The following RBFOX1 variants were observed in gnomAD, a reference collection of about 807,000 sequenced individuals.
RBFOX1 encodes RNA binding fox-1 homolog 1, also known as RNA binding protein fox-1 homolog 1.
In RBFOX1, 8 loss-of-function variants were observed where a neutral mutation model predicts 57.7. The observed-to-expected ratio is 0.14, with a 90% CI of 0.08 to 0.25. RBFOX1 has a LOEUF of 0.25. RBFOX1 is among the 10% of genes least tolerant of loss of function. The pLI is 1.00. For synonymous variants in RBFOX1, 326 were observed against 222.4 expected, an observed-to-expected ratio of 1.47 and a Z score of -4.15; for missense variants, 611 against 548.5, an observed-to-expected ratio of 1.11 and a Z score of -1.14.
chr16:6,152,769 C>G (rs923362377), intron 1 of RBFOX1, among the ~76,000 whole-genome samples: 7 of 152,162 alleles, frequency 4.6e-5, no homozygotes, highest in African/African-American at 1.7e-4. Flanking sequence ...CAGCAGAAAA[C>G]AGACCCCAGA....
At chr16:6,099,799 G>A (rs576774197) in intron 1 of RBFOX1, among the ~76,000 whole-genome samples, 1 of 152,212 alleles carries the variant, frequency 6.6e-6, no homozygotes, top group African/African-American at 2.4e-5. Flanking sequence ...ACCCAACTCC[G>A]GGCATCCTTC....
At chr16:7,157,141 A>G (rs867944335) in intron 4 of RBFOX1, among the ~76,000 whole-genome samples, 1 of 152,198 alleles carries the variant, frequency 6.6e-6, no homozygotes, top group Non-Finnish European at 1.5e-5. Flanking sequence ...TCTCATTGGC[A>G]CAGGATAAGG....
At chr16:6,727,257 T>C (rs1209252182) in intron 3 of RBFOX1, among the ~76,000 whole-genome samples, 1 of 152,032 alleles carries the variant, frequency 6.6e-6, no homozygotes, top group Admixed American at 6.6e-5. Context: ...TTCTAAAAGG[T>C]AATAATAGGT....
At chr16:5,490,018 C>G (rs2042774139) in intron 2 of RBFOX1, among the ~76,000 whole-genome samples, 1 of 152,234 alleles carries the variant, frequency 6.6e-6, no homozygotes, top group African/African-American at 2.4e-5. Context: ...TGCCTGCAGG[C>G]TGACCTCGGC....
chr16:7,173,160 T>G (rs999406166), intron 4 of RBFOX1, among the ~76,000 whole-genome samples: 1 of 152,198 alleles, frequency 6.6e-6, no homozygotes, highest in African/African-American at 2.4e-5. Flanking sequence ...TCTTGACTTA[T>G]AACAAAAATC....
At chr16:6,609,640 G>A (rs1185150407) in intron 2 of RBFOX1, among the ~76,000 whole-genome samples, 2 of 152,070 alleles carry the variant, frequency 1.3e-5, no homozygotes, top group African/African-American at 2.4e-5. Flanking sequence ...CTGTTTGGGG[G>A]AATCCTGAAG....
At chr16:7,336,165 C>A (rs1204893052) in intron 4 of RBFOX1, among the ~76,000 whole-genome samples, 1 of 152,200 alleles carries the variant, frequency 6.6e-6, no homozygotes, top group Non-Finnish European at 1.5e-5. Context: ...TTGCCCAAGT[C>A]AGCCTCGAGT....
intron 4 of RBFOX1, among the ~76,000 whole-genome samples, chr16:7,368,974 T>C (rs1415605908): frequency 6.6e-6 from 1 of 151,960 alleles, no homozygotes; most frequent in Non-Finnish European, 1.5e-5. Flanking sequence ...TTTAACACAA[T>C]GATCCTGCAG....
chr16:5,992,667 C>T (rs953466416), intron 4 of RBFOX1, among the ~76,000 whole-genome samples: 1 of 152,174 alleles, frequency 6.6e-6, no homozygotes, highest in African/African-American at 2.4e-5. Context: ...GGCGTGGTGG[C>T]TCACATCTGT....
chr16:6,120,627 G>C (rs1268742006), intron 1 of RBFOX1, among the ~76,000 whole-genome samples: 4 of 152,120 alleles, frequency 2.6e-5, no homozygotes, highest in Admixed American at 1.3e-4. Flanking sequence ...TTGGCTCAGT[G>C]AATATATTAG....
chr16:6,815,918 G>A (rs545637024), intron 3 of RBFOX1, among the ~76,000 whole-genome samples: 2 of 152,298 alleles, frequency 1.3e-5, no homozygotes, highest in Non-Finnish European at 2.9e-5. Context: ...GGAAAGAAAG[G>A]ACTGTCTTGA....
intron 1 of RBFOX1, among the ~76,000 whole-genome samples, chr16:5,389,310 C>T (rs1182162534): frequency 1.3e-5 from 2 of 152,196 alleles, no homozygotes; most frequent in South Asian, 2.1e-4. Context: ...TCCAATCTTA[C>T]CTGCATAACA....
rs28696735 is a variant in RBFOX1, at chr16:6,988,561, T to A, written c.-15-63496T>A. Among the ~76,000 whole-genome samples the A allele has an allele frequency of 5.2e-3, 587 of 112,106 alleles. 9 individuals are homozygous for A. The highest frequency in any genetic ancestry group is 0.016 in the African/African-American group (562 of 36,064). The allele number at this position is 112,106 out of a possible 152,430, so 73.5% of individuals were successfully genotyped here. A position where few individuals can be genotyped will look rare whatever the true frequency, so the allele number is the denominator to read the frequency against. On this transcript the variant is annotated intron_variant, in intron 3 of 15. Transcript: ENST00000550418. ...TTTCCCTTTTTATTTTAATTTAACT[T>A]TATTTAATTTTATTTTATTTTATTT...
At chr16:6,787,992 G>GT (rs1351400124) in intron 3 of RBFOX1, among the ~76,000 whole-genome samples, 7 of 135,676 alleles carry the variant, frequency 5.2e-5, no homozygotes, top group Non-Finnish European at 1.2e-4. Context: ...GGAGTCCGAG[G>GT]TGGGGGGACC....
At chr16:5,878,116 A>G (rs930810368) in intron 4 of RBFOX1, among the ~76,000 whole-genome samples, 6 of 152,160 alleles carry the variant, frequency 3.9e-5, no homozygotes, top group Non-Finnish European at 8.8e-5. Context: ...ATTGCTTTGG[A>G]TCGACTGTGT....
intron 3 of RBFOX1, among the ~76,000 whole-genome samples, chr16:5,830,533 T>A (rs558556996): frequency 7.2e-5 from 11 of 152,244 alleles, no homozygotes; most frequent in Admixed American, 3.9e-4. Flanking sequence ...AGAAAGGGGT[T>A]CACGTCCCAG....
At chr16:6,794,068 C>G (rs1043107799) in intron 3 of RBFOX1, among the ~76,000 whole-genome samples, 60 of 151,998 alleles carry the variant, frequency 3.9e-4, no homozygotes, top group African/African-American at 2.4e-5. Context: ...ACATACTGCC[C>G]AATAACATCT....
At chr16:5,252,980 T>C (rs2062490739) in intron 1 of RBFOX1, among the ~76,000 whole-genome samples, 3 of 152,160 alleles carry the variant, frequency 2.0e-5, no homozygotes. Flanking sequence ...GCCAATTGTC[T>C]TGGATCCACC....
intron 1 of RBFOX1, among the ~76,000 whole-genome samples, chr16:6,033,858 C>G (rs1286444993): frequency 1.3e-5 from 2 of 152,210 alleles, no homozygotes; most frequent in African/African-American, 4.8e-5. Context: ...ACCTGATGCT[C>G]TGGCTGAGCT....
Sources: allele counts gnomAD v4.1 joint callset (sites outside exome capture counted in the v4.1 genomes callset), GRCh38; gene constraint gnomAD v4.1.1; transcripts MANE v1.5; gene names NCBI Gene and HGNC (gene_info 2026-07-23, HGNC 2026-07-21).